The following GPC5 variants were observed in gnomAD, a reference collection of about 807,000 sequenced individuals.
GPC5 encodes the protein glypican-5.
GPC5 carries 47 observed loss-of-function variants against 53.9 expected under a neutral mutation model. That is an observed-to-expected ratio of 0.87 (90% CI 0.69 to 1.11). The LOEUF is 1.11. GPC5 is among the 50% of genes most tolerant of loss of function. GPC5 has a pLI of 0.00. For missense variants in GPC5, 748 were observed against 713.1 expected (o/e 1.05, Z -0.56); for synonymous variants, 286 against 263.3 (o/e 1.09, Z -0.84).
chr13:92,100,856 TTTA>T (rs1309441086), intron 6 of GPC5, among the ~76,000 whole-genome samples: 2 of 152,222 alleles, frequency 1.3e-5, no homozygotes, highest in Non-Finnish European at 2.9e-5. Flanking sequence ...TCAAGGAATC[TTTA>T]TTACTATGTC....
intron 2 of GPC5, among the ~76,000 whole-genome samples, chr13:91,641,389 G>A (rs1233446118): frequency 1.3e-5 from 2 of 151,882 alleles, no homozygotes; most frequent in African/African-American, 2.4e-5. Context: ...GCATGTTCTC[G>A]TTTATAAGTG....
intron 2 of GPC5, among the ~76,000 whole-genome samples, chr13:91,460,773 C>A (rs986499236): frequency 6.8e-6 from 1 of 146,876 alleles, no homozygotes; most frequent in African/African-American, 2.5e-5. Flanking sequence ...TTTTTTTTTT[C>A]TATAGGCTTG....
intron 2 of GPC5, among the ~76,000 whole-genome samples, chr13:91,645,679 A>G (rs968359294): frequency 3.3e-5 from 5 of 152,238 alleles, no homozygotes; most frequent in African/African-American, 1.2e-4. Context: ...TTACATGAAA[A>G]CTGAAGTCTA....
At chr13:91,689,357 T>A (rs942540367) in intron 2 of GPC5, among the ~76,000 whole-genome samples, 1 of 149,060 alleles carries the variant, frequency 6.7e-6, no homozygotes, top group Non-Finnish European at 1.5e-5. Flanking sequence ...GGTGAGTGAA[T>A]GCAAAGGCTT....
At chr13:92,163,181 G>C (rs1487358106) in intron 7 of GPC5, among the ~76,000 whole-genome samples, 1 of 152,042 alleles carries the variant, frequency 6.6e-6, no homozygotes, top group Non-Finnish European at 1.5e-5. Context: ...ATTTGATGGG[G>C]CTGGGCATGG....
chr13:91,516,024 C>T (rs1885479271), intron 2 of GPC5, among the ~76,000 whole-genome samples: 1 of 151,966 alleles, frequency 6.6e-6, no homozygotes, highest in South Asian at 2.1e-4. Context: ...AAAGACTGGC[C>T]CCCCATGATT....
chr13:92,833,687 T>A (rs1156665711), intron 7 of GPC5, among the ~76,000 whole-genome samples: 1 of 152,150 alleles, frequency 6.6e-6, no homozygotes, highest in Non-Finnish European at 1.5e-5. Context: ...TGGAAATACA[T>A]GGTATTATGG....
chr13:92,054,153 TG>T (rs1402264770), intron 6 of GPC5, among the ~76,000 whole-genome samples: 1 of 27,426 alleles, frequency 3.6e-5, no homozygotes, highest in Non-Finnish European at 8.1e-5. Flanking sequence ...TGGAGGGGTG[TG>T]TGTGTGTGTG....
intron 7 of GPC5, among the ~76,000 whole-genome samples, chr13:92,234,988 C>A (rs529380777): frequency 1.3e-5 from 2 of 152,112 alleles, no homozygotes; most frequent in African/African-American, 4.8e-5. Context: ...AATCAAGAAG[C>A]AAAGGCAGGG....
chr13:91,981,477 G>C (rs774930203), intron 6 of GPC5, among the ~76,000 whole-genome samples: 1 of 152,162 alleles, frequency 6.6e-6, no homozygotes, highest in Non-Finnish European at 1.5e-5. Flanking sequence ...TTTTAGTACA[G>C]ACTGGGTTTC....
At chr13:92,777,350 A>T (rs1451676847) in intron 7 of GPC5, among the ~76,000 whole-genome samples, 1 of 150,454 alleles carries the variant, frequency 6.6e-6, no homozygotes, top group Non-Finnish European at 1.5e-5. Flanking sequence ...AAAAAAAAAA[A>T]AAAGCCAGGC....
At chr13:91,975,445 C>G (rs1171469585) in intron 6 of GPC5, among the ~76,000 whole-genome samples, 1 of 152,102 alleles carries the variant, frequency 6.6e-6, no homozygotes, top group Non-Finnish European at 1.5e-5. Context: ...ACAACCCCAT[C>G]AAAAAGTGGG....
At chr13:92,743,260 T>C (rs77617525) in intron 7 of GPC5, among the ~76,000 whole-genome samples, 12,358 of 152,136 alleles carry the variant, frequency 0.081, 1,007 homozygotes, top group East Asian at 0.37. Context: ...TTTTATTTCA[T>C]TGAGCAGTGG....
chr13:91,962,471 A>C (rs1350881227), intron 6 of GPC5, among the ~76,000 whole-genome samples: 1 of 152,146 alleles, frequency 6.6e-6, no homozygotes, highest in Non-Finnish European at 1.5e-5. Flanking sequence ...TAGATGGCCA[A>C]TAAAAATTAG....
Position 92,668,587 on chromosome 13 carries a change from T to C in GPC5, c.1562-197695T>C, listed in dbSNP as rs148974994. ...TTCTATTCTTTCTTAGCTTAAGTCATGATTTTTATTTTCATTGTTGTCATT... is the reference window on the plus strand; with the variant it reads ...TTCTATTCTTTCTTAGCTTAAGTCACGATTTTTATTTTCATTGTTGTCATT... On this transcript the variant is annotated intron_variant, in intron 7 of 7. Coordinates refer to ENST00000377067, the MANE Select transcript of GPC5 (RefSeq NM_004466.6). 1.5e-4 allele frequency among the ~76,000 whole-genome samples: 23 copies of C among 152,282 alleles called. No homozygotes were observed. In the East Asian group the frequency reaches 4.1e-3, roughly 27 times the overall value.
intron 7 of GPC5, among the ~76,000 whole-genome samples, chr13:92,802,070 A>G (rs959505372): frequency 6.6e-6 from 1 of 151,734 alleles, no homozygotes; most frequent in Non-Finnish European, 1.5e-5. Flanking sequence ...TCATTCACCT[A>G]TTCACCCAGA....
intron 7 of GPC5, among the ~76,000 whole-genome samples, chr13:92,351,786 GAATA>G (rs907748093): frequency 4.6e-5 from 7 of 152,002 alleles, no homozygotes; most frequent in African/African-American, 1.4e-4. Flanking sequence ...AAGTATCTAA[GAATA>G]AATATATGAT....
intron 7 of GPC5, among the ~76,000 whole-genome samples, chr13:92,369,887 C>A (rs962910142): frequency 6.6e-6 from 1 of 152,186 alleles, no homozygotes; most frequent in Non-Finnish European, 1.5e-5. Flanking sequence ...GTTAACTCTA[C>A]AATTCTATTA....
rs140186119 is a variant in GPC5 at position 92,792,717 on chromosome 13, A to C, written c.1562-73565A>C. Reference sequence around the variant, plus strand: ...TCTACCAAGCAAATGGAAAGCAAAAAAAGCAGGGGTTGCAATCCTAGTCTC... The same window carrying C: ...TCTACCAAGCAAATGGAAAGCAAAACAAGCAGGGGTTGCAATCCTAGTCTC... On this transcript the variant is annotated intron_variant, in intron 7 of 7. Transcript: ENST00000377067. 1.5e-4 allele frequency among the ~76,000 whole-genome samples: 23 copies of C among 152,268 alleles called. No homozygotes were observed. The East Asian group carries it at 4.3e-3, about 28-fold the overall frequency.
Sources: allele counts gnomAD v4.1 joint callset (sites outside exome capture counted in the v4.1 genomes callset), GRCh38; gene constraint gnomAD v4.1.1; transcripts MANE v1.5; gene names NCBI Gene and HGNC (gene_info 2026-07-23, HGNC 2026-07-21).